SLC27A6: variants seen among roughly 807,000 people sequenced by gnomAD.
SLC27A6 encodes solute carrier family 27 member 6.
In SLC27A6, 74 loss-of-function variants were observed where a neutral mutation model predicts 63.9. That is an observed-to-expected ratio of 1.16 (90% CI 0.96 to 1.40). The LOEUF (loss-of-function observed/expected upper bound fraction) is 1.40, where lower values mean the gene tolerates loss of function less well. Ranked by LOEUF, SLC27A6 falls within the 40% of genes most tolerant of loss-of-function variation. The pLI is 0.00. For missense variants in SLC27A6, 794 were observed against 732.9 expected, an observed-to-expected ratio of 1.08 and a Z score of -0.96; for synonymous variants, 287 against 260.8, an observed-to-expected ratio of 1.10 and a Z score of -0.97.
chr5:129,028,143 A>G (rs2438187), intron 7 of SLC27A6, among the ~76,000 whole-genome samples: 34,058 of 151,994 alleles, frequency 0.22, 3,881 homozygotes, highest in Middle Eastern at 0.29. Context: ...GATATAAAGT[A>G]ATTTTGACTA....
rs1053578439 is a variant in SLC27A6, at chr5:128,966,393, G to A, written c.256G>A (p.Asp86Asn). Residue 86 changes from aspartate to asparagine, a missense_variant, in exon 1 of 10, where the codon GAC (aspartate) becomes AAC (asparagine). Transcript: ENST00000262462. ...AGACATCTACACCTATCAGGATGTA[G>A]ACAAAAGGAGCAGCAGAGTGGCCCA... Reference protein sequence around the residue: ...EGDIYTYQDVDKRSSRVAHVF... With the variant: ...EGDIYTYQDVNKRSSRVAHVF... 1 of 1,612,770 alleles carries A rather than the reference G, an allele frequency of 6.2e-7. No individual in the cohort carries two copies. The highest frequency in any genetic ancestry group is 8.5e-7 in the Non-Finnish European group (1 of 1,179,400).
At position 128,985,165 on chromosome 5, in the gene SLC27A6, A is replaced by G; in HGVS notation, c.514A>G (p.Ser172Gly). ...TGGAACGGTAGAAGAAATCCTTCCA[A>G]GCCTCTCAGAAAATATCAGTGTTTG... ...LLGTVEEILP[S>G]LSENISVWGM... The change falls in exon 2 of 10, where the codon AGC (serine) becomes GGC (glycine). Residue 172 changes from serine (S) to glycine (G), a missense_variant. By Grantham distance (56) the Ser-to-Gly change is moderately conservative (BLOSUM62 0). Transcript: ENST00000262462. 1.9e-6 allele frequency: 3 copies of G among 1,613,938 alleles called. No homozygotes were observed. The highest frequency in any genetic ancestry group is 2.7e-5 in the African/African-American group (2 of 75,036).
chr5:128,990,416 G>T lies in SLC27A6; in HGVS notation c.921G>T (p.Val307=), dbSNP rs781755240. 3.1e-6 allele frequency: 5 copies of T among 1,613,840 alleles called. No homozygotes were observed. In the South Asian group the frequency reaches 5.5e-5, roughly 18 times the overall value. Residue 307 remains valine (V), a synonymous_variant, in exon 4 of 10, where the codon GTG becomes GTT. Coordinates refer to ENST00000262462, the MANE Select transcript of SLC27A6 (RefSeq NM_001017372.3). ...WSDCKKYDVT[V]FQYIGELCRY... is the part of the protein sequence containing the mutation. ...ACTGCAAGAAGTATGATGTGACTGT[G>T]TTTCAGTATATTGGAGAACTTTGTC...
At chr5:129,025,251 G>GAATACACTGTGACCTATTTAAAC in intron 6 of SLC27A6, among the ~76,000 whole-genome samples, 1 of 152,128 alleles carries the variant, frequency 6.6e-6, no homozygotes, top group Non-Finnish European at 1.5e-5. Context: ...GGAAAGATAT[G>GAATACACTGTGACCTATTTAAAC]AATACACTGT....
At position 129,029,493 on chromosome 5, in the gene SLC27A6, A is replaced by G. The variant is rs1752348764; in HGVS notation, c.1553-84A>G. On this transcript the variant is annotated intron_variant, in intron 8 of 9. Coordinates refer to ENST00000262462, the MANE Select transcript of SLC27A6 (RefSeq NM_001017372.3). ...TTACTGAAATAGATTTAATGTCTCC[A>G]TGTGTGCCAATTAGCATGTACAGAA... 4 of 858,612 alleles carry G rather than the reference A, an allele frequency of 4.7e-6. No homozygotes were observed. In the South Asian group the frequency reaches 5.2e-5, roughly 11 times the overall value. The allele number at this position is 858,612 out of a possible 1,614,324, so 53.2% of individuals were successfully genotyped here.
intron 4 of SLC27A6, among the ~76,000 whole-genome samples, chr5:129,014,829 G>C (rs114749054): frequency 7.9e-5 from 12 of 152,256 alleles, no homozygotes; most frequent in African/African-American, 2.6e-4. Context: ...TGCAGGCTTG[G>C]ATTTCAGCCT....
chr5:128,999,273 A>G lies in SLC27A6; in HGVS notation c.969+8809A>G, dbSNP rs1385810307. ...CTGAAGATGTAGTCTTCAGCCTTCC[A>G]GGACCAGAACTCAATTTATCAGTAC... On this transcript the variant is annotated intron_variant, in intron 4 of 9. Transcript: ENST00000262462. 3.3e-5 allele frequency among the ~76,000 whole-genome samples: 5 copies of G among 152,142 alleles called. No individual in the cohort carries two copies. The East Asian group carries it at 9.6e-4, about 29-fold the overall frequency.
At chr5:129,031,025 G>A (rs1235736283) in intron 9 of SLC27A6, among the ~76,000 whole-genome samples, 1 of 151,850 alleles carries the variant, frequency 6.6e-6, no homozygotes, top group Non-Finnish European at 1.5e-5. Context: ...AAAGTTGACA[G>A]GACAAATAAT....
intron 6 of SLC27A6, 134 bp from the exon 7 acceptor site, chr5:129,026,999 T>C: frequency 1.5e-6 from 1 of 686,654 alleles, no homozygotes; most frequent in African/African-American, 1.8e-5. Flanking sequence ...TGATGTCAAA[T>C]ACAGAAATAG....
intron 4 of SLC27A6, among the ~76,000 whole-genome samples, chr5:128,999,289 T>A (rs2150141056): frequency 6.6e-6 from 1 of 152,188 alleles, no homozygotes; most frequent in East Asian, 1.9e-4. Flanking sequence ...AGAACTCAAT[T>A]TATCAGTACA....
chr5:129,012,031 T>C (rs1295837983), intron 4 of SLC27A6, among the ~76,000 whole-genome samples: 2 of 151,846 alleles, frequency 1.3e-5, no homozygotes, highest in Non-Finnish European at 2.9e-5. Context: ...TGTAAGTATA[T>C]GCACATACAT....
At chr5:128,966,762 C>A in intron 1 of SLC27A6, 144 bp downstream of exon 1, 2 of 878,758 alleles carry the variant, frequency 2.3e-6, no homozygotes, top group South Asian at 4.2e-5. Flanking sequence ...TTTTATGATT[C>A]TATGCTGGTT....
chr5:129,011,845 C>A (rs968240784), intron 4 of SLC27A6, among the ~76,000 whole-genome samples: 3 of 152,076 alleles, frequency 2.0e-5, no homozygotes, highest in African/African-American at 7.2e-5. Context: ...AACAAATTTT[C>A]TCCCGGAAGA....
Position 129,023,694 on chromosome 5 carries a change from T to C in SLC27A6, c.1239T>C (p.Cys413=). 6.2e-7 allele frequency: 1 copy of C among 1,608,170 alleles called. No individual in the cohort carries two copies. Among genetic ancestry groups the C allele is most frequent in the Non-Finnish European group, 8.5e-7 (1 of 1,176,790 alleles). The change falls in exon 6 of 10, where the codon TGT becomes TGC. Residue 413 remains cysteine (C), a synonymous_variant. Coordinates refer to ENST00000262462, the MANE Select transcript of SLC27A6 (RefSeq NM_001017372.3). ...CCATGAGAAATGAGCAGGGTTGGTGTATTCATGTGAAAAAAGGTAAGACTT... is the reference window on the plus strand; with the variant it reads ...CCATGAGAAATGAGCAGGGTTGGTGCATTCATGTGAAAAAAGGTAAGACTT... ...DEPMRNEQGW[C]IHVKKGEPGL...
intron 4 of SLC27A6, among the ~76,000 whole-genome samples, chr5:129,005,855 G>A (rs902987156): frequency 5.9e-5 from 9 of 151,390 alleles, no homozygotes; most frequent in East Asian, 4.0e-4. Flanking sequence ...CTCGTGATCC[G>A]CCTGCCTCGG....
chr5:129,029,095 G>A (rs1752337896), intron 8 of SLC27A6, among the ~76,000 whole-genome samples: 1 of 151,952 alleles, frequency 6.6e-6, no homozygotes, highest in South Asian at 2.1e-4. Context: ...AGGACATTCT[G>A]ACCCCTGTAA....
intron 2 of SLC27A6, among the ~76,000 whole-genome samples, chr5:128,988,210 C>G (rs51666): frequency 6.6e-6 from 1 of 152,140 alleles, no homozygotes; most frequent in Non-Finnish European, 1.5e-5. Flanking sequence ...GTATAGGTGG[C>G]AAAAAAAGAC....
intron 8 of SLC27A6, among the ~76,000 whole-genome samples, chr5:129,029,227 G>A (rs1752340649): frequency 6.6e-6 from 1 of 152,012 alleles, no homozygotes; most frequent in African/African-American, 2.4e-5. Context: ...CTTAGGATAT[G>A]TATTTCTGCT....
chr5:129,027,574 A>G (rs1752286069), intron 7 of SLC27A6, among the ~76,000 whole-genome samples: 1 of 152,146 alleles, frequency 6.6e-6, no homozygotes, highest in South Asian at 2.1e-4. Context: ...CTCCTTTTTA[A>G]GGAAATAAAA....
Sources: allele counts gnomAD v4.1 joint callset (sites outside exome capture counted in the v4.1 genomes callset), GRCh38; gene constraint gnomAD v4.1.1; transcripts MANE v1.5; gene names NCBI Gene and HGNC (gene_info 2026-07-23, HGNC 2026-07-21).